ZC3HC1: variants seen among roughly 807,000 people sequenced by gnomAD.
ZC3HC1 encodes zinc finger C3HC-type containing 1, also known as zinc finger C3HC-type protein 1.
A neutral mutation model predicts 61.9 loss-of-function variants in ZC3HC1; 38 were observed. The ratio of observed to expected loss-of-function variants is 0.61; its 90% CI spans 0.47 to 0.81. The LOEUF (loss-of-function observed/expected upper bound fraction) is 0.81. Among genes scored for constraint, ZC3HC1 ranks in the 30% least tolerant of loss-of-function variants. ZC3HC1 has a pLI of 0.00. For synonymous variants in ZC3HC1, 213 were observed against 229.9 expected (o/e 0.93, Z 0.67); for missense variants, 554 against 622.7 (o/e 0.89, Z 1.17).
intron 2 of ZC3HC1, 164 bp downstream of exon 2, chr7:130,048,869 A>G (rs1794966019): frequency 4.4e-6 from 2 of 455,998 alleles, no homozygotes; most frequent in Admixed American, 8.6e-5. Context: ...GATAACCTCA[A>G]CTGTCCCTCT....
At chr7:130,028,697 C>G (rs920558562) in intron 5 of ZC3HC1, among the ~76,000 whole-genome samples, 1 of 152,030 alleles carries the variant, frequency 6.6e-6, no homozygotes, top group African/African-American at 2.4e-5. Context: ...TAAATTGAAT[C>G]TATGCCATTT....
rs148215404 is a variant in ZC3HC1 at position 130,048,748 on chromosome 7, G to T, written c.258+285C>A. ...TAATGCTTATTTTCATAGGTTTAAG[G>T]TCAAGATCGAATGTGATAATATATA... On this transcript the variant is annotated intron_variant, in intron 2 of 9. Transcript: ENST00000358303. 7.7e-3 allele frequency among the ~76,000 whole-genome samples: 1,173 copies of T among 152,158 alleles called. 10 individuals are homozygous for T. The highest frequency in any genetic ancestry group is 0.011 in the Non-Finnish European group (746 of 68,006).
Position 130,023,827 on chromosome 7 carries a change from T to A in ZC3HC1, c.1021-104A>T, listed in dbSNP as rs1793762657. ...TTTTCTTTTTTTTTTTGAGACAGAG[T>A]CTCGCTTTGTTGCCAAGGCTGGAGA... On this transcript the variant is annotated intron_variant, in intron 7 of 9. Transcript: ENST00000358303. The surrounding 1 kb of genome is among the most constrained non-coding windows in gnomAD (Gnocchi z 4.2). 7 of 1,077,946 alleles carry A rather than the reference T, an allele frequency of 6.5e-6. No homozygotes were observed. The South Asian group carries it at 1.2e-4, about 18-fold the overall frequency. 66.8% of individuals were successfully genotyped at this position (1,077,946 alleles called of 1,614,324 possible). A position where few individuals can be genotyped will look rare whatever the true frequency, so the allele number is the denominator to read the frequency against.
At chr7:130,026,065 C>T (rs1793891969) in intron 6 of ZC3HC1, 93 bp downstream of exon 6, 1 of 1,411,754 alleles carries the variant, frequency 7.1e-7, no homozygotes, top group African/African-American at 1.4e-5. Flanking sequence ...ACGGGAAACA[C>T]CATGTGATTT....
At chr7:130,045,669 AGGTG>A (rs1308776014) in intron 2 of ZC3HC1, among the ~76,000 whole-genome samples, 1 of 152,070 alleles carries the variant, frequency 6.6e-6, no homozygotes, top group Non-Finnish European at 1.5e-5. Context: ...TGGGAGGCTG[AGGTG>A]GGTGGATCAC....
At chr7:130,025,895 G>A (rs372073186) in intron 6 of ZC3HC1, among the ~76,000 whole-genome samples, 857 of 72,480 alleles carry the variant, frequency 0.012, 6 homozygotes, top group African/African-American at 0.03. Flanking sequence ...AAAAAAAAAA[G>A]AGAACACAAA....
chr7:130,047,979 A>G (rs570732918), intron 2 of ZC3HC1, among the ~76,000 whole-genome samples: 1 of 152,280 alleles, frequency 6.6e-6, no homozygotes, highest in African/African-American at 2.4e-5. Flanking sequence ...CAAGTTGTGA[A>G]CTTTCCTTTA....
chr7:130,023,653 G>A lies in ZC3HC1; in HGVS notation c.1091C>T (p.Pro364Leu). Residue 364 changes from proline to leucine, a missense_variant, in exon 8 of 10, where the codon CCT (proline) becomes CTT (leucine). Physicochemically the swap from Pro to Leu is moderately conservative, Grantham distance 98. Transcript: ENST00000358303. This position sits in a 1 kb window ranked among gnomAD's most constrained non-coding sequence, Gnocchi z 4.2. ...GGTGGGGCTAGCAGCCTCTGGCTCAGGACGGTCAACAGGACTGGAAGAGTC... is the reference window on the plus strand; with the variant it reads ...GGTGGGGCTAGCAGCCTCTGGCTCAAGACGGTCAACAGGACTGGAAGAGTC... ...SWDSSSPVDR[P>L]EPEAASPTTR... 1 of 1,614,186 alleles carries A rather than the reference G, an allele frequency of 6.2e-7. No homozygotes were observed. Among genetic ancestry groups the A allele is most frequent in the Non-Finnish European group, 8.5e-7 (1 of 1,180,032 alleles).
chr7:130,026,036 TTC>T, intron 6 of ZC3HC1, 120 bp downstream of exon 6: 1 of 1,224,086 alleles, frequency 8.2e-7, no homozygotes, highest in Non-Finnish European at 1.1e-6. Flanking sequence ...CACCCAGTTT[TTC>T]TTTGTCTCTT....
Position 130,050,338 on chromosome 7 carries a change from A to G in ZC3HC1, c.146+883T>C, listed in dbSNP as rs1196043538. The G allele has an allele frequency of 3.1e-6, 4 of 1,301,428 alleles. No homozygotes were observed. In the Admixed American group the frequency reaches 9.0e-5, roughly 29 times the overall value. 80.6% of individuals were successfully genotyped at this position (1,301,428 alleles called of 1,614,324 possible). A position where few individuals can be genotyped will look rare whatever the true frequency, so the allele number is the denominator to read the frequency against. The stretch of plus-strand genomic sequence containing the variant: ...GTGATCTGCCCGCTTCAGCCTCCTC[A>G]AAGTGCTGGGATTATAGGCGTGAGC... On this transcript the variant is annotated intron_variant, in intron 1 of 9. Transcript: ENST00000358303.
chr7:130,036,260 G>A (rs1009587188), intron 4 of ZC3HC1, among the ~76,000 whole-genome samples: 11 of 152,256 alleles, frequency 7.2e-5, no homozygotes, highest in Non-Finnish European at 1.0e-4. Context: ...GCTCACGCCT[G>A]TAATCCCAGC....
Position 130,039,502 on chromosome 7 carries a change from T to C in ZC3HC1, c.455A>G (p.His152Arg), listed in dbSNP as rs781499034. The change falls in exon 4 of 10, where the codon CAT (histidine) becomes CGT (arginine). Residue 152 changes from histidine to arginine, a missense_variant. Coordinates refer to ENST00000358303, the MANE Select transcript of ZC3HC1 (RefSeq NM_016478.5). ...GTCTGGCCAGAAACAGAACTTCTCATGGGCAGTACACAAGGCTTTCTTCAG... is the reference window on the plus strand; with the variant it reads ...GTCTGGCCAGAAACAGAACTTCTCACGGGCAGTACACAAGGCTTTCTTCAG... The part of the protein sequence containing the change: ...AELKKALCTA[H>R]EKFCFWPDSP... 1.2e-6 allele frequency: 2 copies of C among 1,612,848 alleles called. No individual in the cohort carries two copies. Among genetic ancestry groups the C allele is most frequent in the Non-Finnish European group, 1.7e-6 (2 of 1,179,706 alleles).
chr7:130,026,535 T>A (rs1793917747), intron 5 of ZC3HC1: 1 of 420,044 alleles, frequency 2.4e-6, no homozygotes, highest in Non-Finnish European at 4.2e-6. Context: ...AGATGGAGTC[T>A]CCCTGGAACT....
Position 130,029,043 on chromosome 7 carries a change from A to T in ZC3HC1, c.494-14T>A, listed in dbSNP as rs368336080. On this transcript the variant is annotated splice_polypyrimidine_tract_variant and intron_variant, in intron 4 of 9. Transcript: ENST00000358303. ...TCCCAAATCGGTCTGTGGAAAAAGT[A>T]AATTGGAAGATTATATTGGTGTAAA... 6.2e-7 allele frequency: 1 copy of T among 1,609,172 alleles called. No individual in the cohort carries two copies. The highest frequency in any genetic ancestry group is 1.3e-5 in the African/African-American group (1 of 74,762).
chr7:130,032,755 G>GA, intron 4 of ZC3HC1, among the ~76,000 whole-genome samples: 2 of 125,972 alleles, frequency 1.6e-5, no homozygotes, highest in South Asian at 6.1e-4. Flanking sequence ...AAGAGGGGAA[G>GA]GGGGGAAGGG....
At chr7:130,032,170 G>C (rs1794227376) in intron 4 of ZC3HC1, among the ~76,000 whole-genome samples, 1 of 150,850 alleles carries the variant, frequency 6.6e-6, no homozygotes, top group Non-Finnish European at 1.5e-5. Context: ...GTTGCAGTGA[G>C]CCGAGACCAC....
intron 1 of ZC3HC1, among the ~76,000 whole-genome samples, chr7:130,049,752 A>T (rs949223653): frequency 6.6e-6 from 1 of 151,806 alleles, no homozygotes; most frequent in African/African-American, 2.4e-5. Context: ...GGGTTTCACC[A>T]TGTTGGTCAG....
At chr7:130,036,930 G>A (rs1248936468) in intron 4 of ZC3HC1, 1 of 152,178 alleles carries the variant, frequency 6.6e-6, no homozygotes, top group African/African-American at 2.4e-5. Context: ...GGTATAAGAT[G>A]AAGAGTTCAG....
intron 2 of ZC3HC1, among the ~76,000 whole-genome samples, chr7:130,048,139 AGTT>A (rs964670417): frequency 1.0e-3 from 133 of 129,286 alleles, no homozygotes; most frequent in Non-Finnish European, 1.4e-3. Flanking sequence ...ACCCTTTCCT[AGTT>A]GTTTTTTTTT....
Sources: allele counts gnomAD v4.1 joint callset (sites outside exome capture counted in the v4.1 genomes callset), GRCh38; gene constraint gnomAD v4.1.1; non-coding constraint Gnocchi (gnomAD v3.1); transcripts MANE v1.5; gene names NCBI Gene and HGNC (gene_info 2026-07-23, HGNC 2026-07-21).